Variants in ANKRD55 observed in about 807,000 individuals in gnomAD.
ANKRD55 encodes ankyrin repeat domain-containing protein 55.
A neutral mutation model predicts 60.6 loss-of-function variants in ANKRD55; 41 were observed. The observed-to-expected ratio is 0.68, with a 90% CI of 0.53 to 0.88. The LOEUF (loss-of-function observed/expected upper bound fraction) is 0.88. ANKRD55 is among the 40% of genes least tolerant of loss of function. The pLI is 0.00. For synonymous variants in ANKRD55, 264 were observed against 290.3 expected, an observed-to-expected ratio of 0.91 and a Z score of 0.92; for missense variants, 732 against 767.6, an observed-to-expected ratio of 0.95 and a Z score of 0.55.
rs1758456420 is a variant in ANKRD55 at position 56,166,119 on chromosome 5, T to TTTCC, written c.422+4574_422+4575insGGAA. On this transcript the variant is annotated intron_variant, in intron 5 of 11. Coordinates refer to ENST00000341048, the MANE Select transcript of ANKRD55 (RefSeq NM_024669.3). ...CTTTCTTTCTTTCTTTCTTTCTTTCTTTCTTTCTTTCTTTCTTTCTTTCTT... is the reference window on the plus strand; with the variant it reads ...CTTTCTTTCTTTCTTTCTTTCTTTCTTTCCTTCTTTCTTTCTTTCTTTCTTTCTT... 5.2e-5 allele frequency among the ~76,000 whole-genome samples: 3 copies of TTTCC among 57,606 alleles called. No individual in the cohort carries two copies. In the Admixed American group the frequency reaches 5.3e-4, roughly 10 times the overall value. The allele number at this position is 57,606 out of a possible 152,430, so 37.8% of individuals were successfully genotyped here. A position where few individuals can be genotyped will look rare whatever the true frequency, so the allele number is the denominator to read the frequency against.
intron 5 of ANKRD55, among the ~76,000 whole-genome samples, chr5:56,161,512 C>T (rs1758329412): frequency 6.6e-6 from 1 of 152,220 alleles, no homozygotes; most frequent in Non-Finnish European, 1.5e-5. Flanking sequence ...GAAAGATCCA[C>T]TAATCATATT....
chr5:56,198,384 C>G (rs1759276638), intron 2 of ANKRD55, among the ~76,000 whole-genome samples: 2 of 152,040 alleles, frequency 1.3e-5, no homozygotes, highest in South Asian at 2.1e-4. Flanking sequence ...CTCCTGGGTT[C>G]AAGCAATTCT....
intron 3 of ANKRD55, 131 bp from the exon 4 acceptor site, chr5:56,176,413 G>C (rs1758741100): frequency 2.2e-6 from 2 of 925,500 alleles, no homozygotes; most frequent in East Asian, 2.5e-5. Flanking sequence ...ACTGAAGGGA[G>C]ATGAAGCTGA....
chr5:56,207,806 C>T (rs1759550420), intron 2 of ANKRD55, among the ~76,000 whole-genome samples: 1 of 152,182 alleles, frequency 6.6e-6, no homozygotes, highest in Non-Finnish European at 1.5e-5. Flanking sequence ...CATTACTGTG[C>T]ACTACTGTAG....
At position 56,204,450 on chromosome 5, in the gene ANKRD55, T is replaced by C. The variant is rs116049621; in HGVS notation, c.59-20816A>G. Reference sequence around the variant, plus strand: ...CCTAGGTTTTCTTCTAGGGTTTTCATAGTTTTAAGTCTAACATATAATTCT... The same window carrying C: ...CCTAGGTTTTCTTCTAGGGTTTTCACAGTTTTAAGTCTAACATATAATTCT... On this transcript the variant is annotated intron_variant, in intron 2 of 11. Transcript: ENST00000341048. 6.0e-3 allele frequency among the ~76,000 whole-genome samples: 912 copies of C among 152,354 alleles called. 9 individuals are homozygous for C. Among genetic ancestry groups the C allele is most frequent in the African/African-American group, 0.021 (855 of 41,580 alleles).
At chr5:56,159,557 T>A (rs1363213763) in intron 6 of ANKRD55, among the ~76,000 whole-genome samples, 1 of 152,154 alleles carries the variant, frequency 6.6e-6, no homozygotes, top group Non-Finnish European at 1.5e-5. Flanking sequence ...TTTCTCAATG[T>A]CCAGAGGGAA....
rs138044613 is a variant in ANKRD55, at chr5:56,176,966, G to A, written c.182-684C>T. On this transcript the variant is annotated intron_variant, in intron 3 of 11. Coordinates refer to ENST00000341048, the MANE Select transcript of ANKRD55 (RefSeq NM_024669.3). ...CCTCAGATTCACTCCTTGCCCAGTC[G>A]AGACTTGTGTAGATGTCTTTGGACT... is the stretch of plus-strand genomic sequence containing the variant. Among the ~76,000 whole-genome samples, 39 of 152,258 alleles carry A rather than the reference G, an allele frequency of 2.6e-4. 1 individual carries two copies. In the East Asian group the frequency reaches 6.6e-3, roughly 26 times the overall value.
At chr5:56,131,142 T>C (rs187717842) in intron 7 of ANKRD55, among the ~76,000 whole-genome samples, 2 of 147,788 alleles carry the variant, frequency 1.4e-5, no homozygotes, top group African/African-American at 4.9e-5. Flanking sequence ...CCAAGCACGA[T>C]AAATGCCAAA....
intron 3 of ANKRD55, among the ~76,000 whole-genome samples, chr5:56,181,868 T>C (rs979037786): frequency 6.6e-6 from 1 of 152,258 alleles, no homozygotes; most frequent in Non-Finnish European, 1.5e-5. Flanking sequence ...GTGTTGGGAT[T>C]ATAGGCGTGA....
At chr5:56,172,926 A>G (rs6880182) in intron 4 of ANKRD55, among the ~76,000 whole-genome samples, 36,096 of 152,074 alleles carry the variant, frequency 0.24, 7,039 homozygotes, top group African/African-American at 0.54. Flanking sequence ...AAATGCAATT[A>G]GCTGTGAGCC....
intron 2 of ANKRD55, among the ~76,000 whole-genome samples, chr5:56,196,850 A>G (rs2111851294): frequency 6.6e-6 from 1 of 152,234 alleles, no homozygotes; most frequent in South Asian, 2.1e-4. Flanking sequence ...CTTACCAAAT[A>G]CCCTAGGACA....
chr5:56,186,827 C>T (rs1057253800), intron 2 of ANKRD55, among the ~76,000 whole-genome samples: 1 of 152,178 alleles, frequency 6.6e-6, no homozygotes, highest in African/African-American at 2.4e-5. Flanking sequence ...GGCCCAGAAA[C>T]AGGACAAAGA....
intron 8 of ANKRD55, among the ~76,000 whole-genome samples, chr5:56,118,418 GATCGAGACC>G (rs1220310947): frequency 5.9e-5 from 9 of 152,132 alleles, no homozygotes; most frequent in Non-Finnish European, 1.3e-4. Context: ...AAGGTCAGGA[GATCGAGACC>G]ATCCTGGCTA....
At chr5:56,157,191 A>G (rs1197744149) in intron 6 of ANKRD55, among the ~76,000 whole-genome samples, 1 of 152,196 alleles carries the variant, frequency 6.6e-6, no homozygotes, top group Non-Finnish European at 1.5e-5. Flanking sequence ...ATTTAGGGCT[A>G]TGCAGGATGT....
chr5:56,208,413 AT>A (rs59832155), intron 2 of ANKRD55, among the ~76,000 whole-genome samples: 49,578 of 151,422 alleles, frequency 0.33, 9,722 homozygotes, highest in African/African-American at 0.55. Flanking sequence ...TTTAAAAAAA[AT>A]ATTTATTTAT....
chr5:56,154,626 C>T (rs541801472), intron 6 of ANKRD55, among the ~76,000 whole-genome samples: 25 of 147,014 alleles, frequency 1.7e-4, no homozygotes, highest in Non-Finnish European at 3.1e-4. Flanking sequence ...GCTCTGTTGC[C>T]TAGGCTGGAG....
At chr5:56,108,057 G>C (rs1388058995) in intron 10 of ANKRD55, among the ~76,000 whole-genome samples, 1 of 151,878 alleles carries the variant, frequency 6.6e-6, no homozygotes, top group African/African-American at 2.4e-5. Flanking sequence ...ATTTTTTGTA[G>C]AGACGAAGCT....
intron 3 of ANKRD55, among the ~76,000 whole-genome samples, chr5:56,177,252 T>G (rs1032403520): frequency 3.3e-5 from 5 of 152,236 alleles, no homozygotes; most frequent in African/African-American, 1.2e-4. Context: ...TCAATTTCTC[T>G]CCAATTTTTT....
chr5:56,171,430 C>T (rs1758609337), intron 4 of ANKRD55, among the ~76,000 whole-genome samples: 1 of 152,182 alleles, frequency 6.6e-6, no homozygotes, highest in Admixed American at 6.5e-5. Context: ...CCTGATATGG[C>T]CACATCTCAT....
Sources: gnomAD v4.1 joint callset for allele counts (sites outside exome capture counted in the v4.1 genomes callset) on GRCh38, gnomAD v4.1.1 for gene constraint, MANE v1.5 for transcripts, NCBI Gene and HGNC (gene_info 2026-07-23, HGNC 2026-07-21) for gene names.